The following SLCO1B3 variants were observed in gnomAD, a reference collection of about 807,000 sequenced individuals.
SLCO1B3 encodes liver-specific organic anion transporter 2.
A neutral mutation model predicts 71.8 loss-of-function variants in SLCO1B3; 72 were observed. The ratio of observed to expected loss-of-function variants is 1.00; its 90% CI spans 0.83 to 1.22. The LOEUF (loss-of-function observed/expected upper bound fraction) is 1.22. SLCO1B3 is among the 50% of genes most tolerant of loss of function. SLCO1B3 has a pLI of 0.00. For missense variants in SLCO1B3, 911 were observed against 819.7 expected, an observed-to-expected ratio of 1.11 and a Z score of -1.36; for synonymous variants, 298 against 278.4, an observed-to-expected ratio of 1.07 and a Z score of -0.70.
At chr12:20,827,193 C>G (rs1272780078) in intron 3 of SLCO1B3, among the ~76,000 whole-genome samples, 2 of 152,100 alleles carry the variant, frequency 1.3e-5, no homozygotes, top group Admixed American at 6.6e-5. Flanking sequence ...ATTTGGACAC[C>G]TTATAATATT....
chr12:20,865,503 G>T (rs1865355280), intron 8 of SLCO1B3, among the ~76,000 whole-genome samples: 1 of 151,830 alleles, frequency 6.6e-6, no homozygotes, highest in African/African-American at 2.4e-5. Context: ...ATTTTACTGA[G>T]ATAAGAACAA....
In SLCO1B3 at chr12:20,893,793, G is replaced by C. The variant is rs945787280; in HGVS notation, c.1683-4643G>C. Among the ~76,000 whole-genome samples, 3 of 152,162 alleles carry C rather than the reference G, an allele frequency of 2.0e-5. 1 individual carries two copies. The highest frequency in any genetic ancestry group is 2.0e-4 in the Admixed American group (3 of 15,274). The stretch of plus-strand genomic sequence containing the variant: ...TAAACCATGTGGAATGAGAGCCTTG[G>C]TACCCAGACAGGATCTCAAAATCTT... On this transcript the variant is annotated intron_variant, in intron 13 of 15. Coordinates refer to ENST00000381545, the MANE Select transcript of SLCO1B3 (RefSeq NM_019844.4).
intron 3 of SLCO1B3, among the ~76,000 whole-genome samples, chr12:20,840,268 G>T (rs1392396399): frequency 3.3e-5 from 5 of 152,100 alleles, no homozygotes; most frequent in Admixed American, 3.3e-4. Flanking sequence ...CTATACATGT[G>T]CCTTCAATAA....
In SLCO1B3 at chr12:20,893,342, G is replaced by T. The variant is rs182044780; in HGVS notation, c.1683-5094G>T. On this transcript the variant is annotated intron_variant, in intron 13 of 15. Transcript: ENST00000381545. ...GGGCAGAAATAATTTTCACAAAAAT[G>T]ACAGGGAGTTTGGAATGAAAATTGT... Among the ~76,000 whole-genome samples, 117 of 152,276 alleles carry T rather than the reference G, an allele frequency of 7.7e-4. 1 individual carries two copies. The highest frequency in any genetic ancestry group is 3.1e-3 in the Admixed American group (48 of 15,300).
intron 15 of SLCO1B3, among the ~76,000 whole-genome samples, chr12:20,911,798 G>A (rs946738936): frequency 6.6e-6 from 1 of 152,120 alleles, no homozygotes; most frequent in Non-Finnish European, 1.5e-5. Context: ...TTTGATTTCT[G>A]ATATTAGTAA....
intron 12 of SLCO1B3, 51 bp from the exon 13 acceptor site, chr12:20,883,367 C>A (rs748359618): frequency 3.9e-6 from 4 of 1,037,240 alleles, no homozygotes; most frequent in Non-Finnish European, 4.1e-6. Flanking sequence ...TATTCATAGC[C>A]CTGTTGTATT....
chr12:20,827,215 A>G (rs1245473795), intron 3 of SLCO1B3, among the ~76,000 whole-genome samples: 1 of 152,190 alleles, frequency 6.6e-6, no homozygotes, highest in Non-Finnish European at 1.5e-5. Flanking sequence ...AGCAGGGATA[A>G]ATATTAAACT....
At chr12:20,911,811 C>T (rs764007745) in intron 15 of SLCO1B3, among the ~76,000 whole-genome samples, 2 of 152,080 alleles carry the variant, frequency 1.3e-5, no homozygotes, top group East Asian at 3.9e-4. Flanking sequence ...ATTAGTAAAT[C>T]GTGTCCTCCT....
intron 3 of SLCO1B3, among the ~76,000 whole-genome samples, chr12:20,844,744 A>T (rs749959090): frequency 2.1e-4 from 31 of 150,858 alleles, no homozygotes; most frequent in Non-Finnish European, 4.0e-4. Context: ...AAAAAAAATT[A>T]TTCGGCCAGG....
At chr12:20,859,481 C>A (rs1865209024) in intron 5 of SLCO1B3, among the ~76,000 whole-genome samples, 1 of 148,976 alleles carries the variant, frequency 6.7e-6, no homozygotes. Context: ...CATATGAATT[C>A]TGTTTTTTTC....
chr12:20,836,937 G>T (rs577087183), intron 3 of SLCO1B3, among the ~76,000 whole-genome samples: 1 of 152,258 alleles, frequency 6.6e-6, no homozygotes, highest in South Asian at 2.1e-4. Context: ...CACTGTGCTA[G>T]GCCCATTCTT....
chr12:20,861,976 T>C (rs989766217), intron 6 of SLCO1B3, among the ~76,000 whole-genome samples: 2 of 152,130 alleles, frequency 1.3e-5, no homozygotes, highest in African/African-American at 4.8e-5. Context: ...AAAGAAGAGA[T>C]TGTTTAACCA....
intron 12 of SLCO1B3, among the ~76,000 whole-genome samples, chr12:20,882,996 A>T (rs4482080): frequency 0.97 from 148,035 of 152,252 alleles, 72,116 homozygotes; most frequent in Middle Eastern, 1. Flanking sequence ...TTCTGGCACC[A>T]CTGCCTGGCT....
At chr12:20,859,953 C>CTTTTTTT (rs768328762) in intron 5 of SLCO1B3, among the ~76,000 whole-genome samples, 35 of 118,000 alleles carry the variant, frequency 3.0e-4, no homozygotes, top group African/African-American at 7.6e-4. Context: ...CTGATCATTT[C>CTTTTTTT]TTTTTTTTTT....
chr12:20,821,669 G>T (rs1591742645), intron 3 of SLCO1B3, among the ~76,000 whole-genome samples: 1 of 152,072 alleles, frequency 6.6e-6, no homozygotes, highest in Non-Finnish European at 1.5e-5. Context: ...AAGCAGAGAA[G>T]GGGTAGAGAC....
intron 8 of SLCO1B3, among the ~76,000 whole-genome samples, chr12:20,871,202 G>A (rs543627544): frequency 3.9e-5 from 6 of 152,280 alleles, no homozygotes; most frequent in African/African-American, 1.4e-4. Flanking sequence ...CACAGAAGGA[G>A]TTTGGAAATA....
intron 3 of SLCO1B3, among the ~76,000 whole-genome samples, chr12:20,829,967 A>T (rs926015222): frequency 6.6e-6 from 1 of 152,138 alleles, no homozygotes; most frequent in African/African-American, 2.4e-5. Flanking sequence ...CTTTACTGCA[A>T]CCTGTTTTAT....
At chr12:20,914,895 A>G (rs950131306) in intron 15 of SLCO1B3, among the ~76,000 whole-genome samples, 3 of 152,224 alleles carry the variant, frequency 2.0e-5, no homozygotes, top group Admixed American at 6.5e-5. Flanking sequence ...TCTACTCTAT[A>G]AATAAGGTTT....
chr12:20,842,297 C>T (rs4141477), intron 3 of SLCO1B3, among the ~76,000 whole-genome samples: 81,167 of 151,770 alleles, frequency 0.53, 24,214 homozygotes, highest in South Asian at 0.77. Context: ...GACTACTTGA[C>T]CTATCATAAT....
Sources: allele counts gnomAD v4.1 joint callset (sites outside exome capture counted in the v4.1 genomes callset), GRCh38; gene constraint gnomAD v4.1.1; transcripts MANE v1.5; gene names NCBI Gene and HGNC (gene_info 2026-07-23, HGNC 2026-07-21).